The following PTPRT variants were observed in gnomAD, a reference collection of about 807,000 sequenced individuals.
The protein encoded by PTPRT is protein tyrosine phosphatase receptor type T.
A neutral mutation model predicts 176.8 loss-of-function variants in PTPRT; 56 were observed. The observed-to-expected ratio is 0.32, with a 90% confidence interval of 0.26 to 0.40. The LOEUF (loss-of-function observed/expected upper bound fraction) is 0.40. PTPRT is among the 10% of genes least tolerant of loss of function. PTPRT has a pLI of 1.00. For synonymous variants in PTPRT, 783 were observed against 739.0 expected, an observed-to-expected ratio of 1.06 and a Z score of -0.96; for missense variants, 1,540 against 1,908.2, an observed-to-expected ratio of 0.81 and a Z score of 3.60.
At chr20:43,183,845 C>T (rs751311219) in intron 1 of PTPRT, among the ~76,000 whole-genome samples, 3 of 152,252 alleles carry the variant, frequency 2.0e-5, no homozygotes, top group Non-Finnish European at 4.4e-5. Context: ...CCATCCATGG[C>T]GTAGCCTGTA....
chr20:42,444,108 C>A (rs1288734460), intron 9 of PTPRT, among the ~76,000 whole-genome samples: 2 of 152,180 alleles, frequency 1.3e-5, no homozygotes, highest in Non-Finnish European at 2.9e-5. Flanking sequence ...CCACCCTTTC[C>A]CCCACACAGT....
chr20:42,588,005 C>T (rs942285798), intron 7 of PTPRT, among the ~76,000 whole-genome samples: 9 of 152,166 alleles, frequency 5.9e-5, no homozygotes, highest in Non-Finnish European at 4.4e-5. Flanking sequence ...AAGTACCCAG[C>T]TCACAGTAGA....
intron 1 of PTPRT, among the ~76,000 whole-genome samples, chr20:42,975,812 C>T (rs1036444824): frequency 2.0e-5 from 3 of 151,960 alleles, no homozygotes; most frequent in Admixed American, 1.3e-4. Context: ...CCATGGCACA[C>T]GTATGCCTAT....
intron 7 of PTPRT, 98 bp downstream of exon 7, chr20:42,677,768 A>C: frequency 7.3e-7 from 1 of 1,375,438 alleles, no homozygotes; most frequent in Non-Finnish European, 9.9e-7. Flanking sequence ...CATTCAAAGA[A>C]AATTCGGAAT....
At chr20:42,701,153 CGTAA>C (rs2075968755) in intron 6 of PTPRT, among the ~76,000 whole-genome samples, 1 of 152,074 alleles carries the variant, frequency 6.6e-6, no homozygotes, top group East Asian at 1.9e-4. Flanking sequence ...AGTGGCCATC[CGTAA>C]GTTATAATCA....
intron 9 of PTPRT, among the ~76,000 whole-genome samples, chr20:42,389,975 AC>A (rs2058785530): frequency 6.6e-6 from 1 of 152,080 alleles, no homozygotes; most frequent in Admixed American, 6.5e-5. Context: ...CTAAACTGTG[AC>A]CTAATAAATT....
intron 6 of PTPRT, among the ~76,000 whole-genome samples, chr20:42,737,140 T>C (rs1457346378): frequency 6.6e-6 from 1 of 152,112 alleles, no homozygotes. Context: ...TCTTTGTAGA[T>C]GTAATCAAGC....
At chr20:42,300,257 C>CAAAAAAAAAAAAAAAAAAAAAAAAAAAA (rs761176814) in intron 12 of PTPRT, among the ~76,000 whole-genome samples, 1 of 49,620 alleles carries the variant, frequency 2.0e-5, no homozygotes, top group Non-Finnish European at 3.8e-5. Context: ...AACTCCGTCT[C>CAAAAAAAAAAAAAAAAAAAAAAAAAAAA]AAAAAAAAAA....
At chr20:42,182,715 C>T (rs952224694) in intron 16 of PTPRT, among the ~76,000 whole-genome samples, 2 of 152,070 alleles carry the variant, frequency 1.3e-5, no homozygotes, top group African/African-American at 4.8e-5. Context: ...CAAAAATTTC[C>T]AGGTATCACA....
chr20:42,504,308 T>C (rs570848375), intron 7 of PTPRT, among the ~76,000 whole-genome samples: 1 of 152,254 alleles, frequency 6.6e-6, no homozygotes, highest in South Asian at 2.1e-4. Context: ...AAACATTTGT[T>C]CAATGAATGA....
chr20:43,165,761 GT>G (rs1474812108), intron 1 of PTPRT, among the ~76,000 whole-genome samples: 2 of 152,062 alleles, frequency 1.3e-5, no homozygotes, highest in African/African-American at 4.8e-5. Context: ...TCTGACTTAC[GT>G]TTTTAAAAAA....
At chr20:42,838,443 G>A (rs1358176566) in intron 2 of PTPRT, among the ~76,000 whole-genome samples, 1 of 152,216 alleles carries the variant, frequency 6.6e-6, no homozygotes, top group Non-Finnish European at 1.5e-5. Flanking sequence ...GAGCTAGCCA[G>A]GCTGGAACGG....
chr20:42,547,959 G>T (rs902061687), intron 7 of PTPRT, among the ~76,000 whole-genome samples: 17 of 151,970 alleles, frequency 1.1e-4, no homozygotes, highest in African/African-American at 4.1e-4. Flanking sequence ...AGTTAAAAAA[G>T]ATACCATATA....
chr20:42,977,317 G>A (rs569567060), intron 1 of PTPRT, among the ~76,000 whole-genome samples: 3 of 152,238 alleles, frequency 2.0e-5, no homozygotes, highest in East Asian at 1.9e-4. Context: ...ATTCAAAAAC[G>A]TCAACAAGGG....
chr20:42,235,588 C>CT (rs36073613), intron 15 of PTPRT, among the ~76,000 whole-genome samples: 1 of 151,846 alleles, frequency 6.6e-6, no homozygotes. Context: ...AAAATAATCA[C>CT]TTTTTTTTAG....
At chr20:42,369,562 T>C (rs2058560050) in intron 9 of PTPRT, among the ~76,000 whole-genome samples, 1 of 152,064 alleles carries the variant, frequency 6.6e-6, no homozygotes, top group Admixed American at 6.5e-5. Context: ...AAAATAAAAA[T>C]GAAAGGTGCC....
At chr20:42,060,344 G>C in the PTPRT span, among the ~76,000 whole-genome samples, 1 of 152,264 alleles carries the variant, frequency 6.6e-6, no homozygotes, top group African/African-American at 2.4e-5. Flanking sequence ...TATCACACAG[G>C]ATTAGTGGCT....
At chr20:42,754,273 T>C (rs1360495242) in intron 6 of PTPRT, among the ~76,000 whole-genome samples, 2 of 152,098 alleles carry the variant, frequency 1.3e-5, no homozygotes, top group Admixed American at 1.3e-4. Flanking sequence ...ACAACCTCCG[T>C]CTCCTGGGTT....
intron 6 of PTPRT, among the ~76,000 whole-genome samples, chr20:42,716,499 C>A (rs1002939551): frequency 6.6e-6 from 1 of 152,168 alleles, no homozygotes; most frequent in Non-Finnish European, 1.5e-5. Flanking sequence ...CTCTGATGAC[C>A]AGTGATGATG....
Sources: gnomAD v4.1 joint callset for allele counts (sites outside exome capture counted in the v4.1 genomes callset) on GRCh38, gnomAD v4.1.1 for gene constraint, MANE v1.5 for transcripts, NCBI Gene and HGNC (gene_info 2026-07-23, HGNC 2026-07-21) for gene names.